TMEM87B: variants seen among roughly 807,000 people sequenced by gnomAD.
TMEM87B encodes the protein transmembrane protein 87B.
Under a neutral mutation model 80.3 loss-of-function variants are expected in TMEM87B, and 83 were observed. The observed-to-expected ratio is 1.03, with a 90% confidence interval of 0.87 to 1.24. TMEM87B has a LOEUF of 1.24. Among genes scored for constraint, TMEM87B ranks in the 50% most tolerant of loss-of-function variants. TMEM87B has a pLI of 0.00. For missense variants in TMEM87B, 625 were observed against 674.4 expected, an observed-to-expected ratio of 0.93 and a Z score of 0.81; for synonymous variants, 219 against 230.5, an observed-to-expected ratio of 0.95 and a Z score of 0.45.
intron 18 of TMEM87B, among the ~76,000 whole-genome samples, chr2:112,113,550 T>C (rs1235212695): frequency 5.9e-5 from 9 of 152,266 alleles, no homozygotes; most frequent in Admixed American, 5.9e-4. Flanking sequence ...ATCAGTCTGT[T>C]ATTTGACTGT....
intron 4 of TMEM87B, among the ~76,000 whole-genome samples, chr2:112,074,383 A>C (rs975926857): frequency 2.0e-5 from 3 of 152,228 alleles, no homozygotes; most frequent in African/African-American, 7.2e-5. Flanking sequence ...AATGTTGAAC[A>C]TAGGCCTCCA....
At chr2:112,097,699 C>T (rs1237594689) in intron 13 of TMEM87B, among the ~76,000 whole-genome samples, 11 of 112,614 alleles carry the variant, frequency 9.8e-5, no homozygotes, top group Admixed American at 7.8e-4. Flanking sequence ...GGCAACACAG[C>T]GAGACTCCAT....
At chr2:112,107,557 A>T (rs1490471350) in intron 16 of TMEM87B, among the ~76,000 whole-genome samples, 1 of 152,152 alleles carries the variant, frequency 6.6e-6, no homozygotes, top group Non-Finnish European at 1.5e-5. Flanking sequence ...ATAATATTTC[A>T]TACATCCAAC....
In TMEM87B at chr2:112,074,111, A is replaced by G. The variant is rs1161663674; in HGVS notation, c.451-801A>G. Among the ~76,000 whole-genome samples, 5 of 152,216 alleles carry G rather than the reference A, an allele frequency of 3.3e-5. No individual in the cohort carries two copies. In the East Asian group the frequency reaches 9.7e-4, roughly 29 times the overall value. On this transcript the variant is annotated intron_variant, in intron 4 of 18. Coordinates refer to ENST00000283206, the MANE Select transcript of TMEM87B (RefSeq NM_032824.3). Reference sequence around the variant, plus strand: ...TTGACATTGTGGGTTTGATCGTGTCATCATGTTGTTAGCTGGTTATTACGC... The same window carrying G: ...TTGACATTGTGGGTTTGATCGTGTCGTCATGTTGTTAGCTGGTTATTACGC...
At chr2:112,060,120 G>C in intron 2 of TMEM87B, 83 bp downstream of exon 2, 1 of 1,354,068 alleles carries the variant, frequency 7.4e-7, no homozygotes, top group Admixed American at 3.0e-5. Context: ...GGCCGAGGCA[G>C]GTGGATCACA....
At chr2:112,113,012 A>T in intron 18 of TMEM87B, 83 bp downstream of exon 18, 1 of 1,252,872 alleles carries the variant, frequency 8.0e-7, no homozygotes, top group Admixed American at 2.0e-5. Flanking sequence ...TCTGAAAGCT[A>T]CTTTTTAAGA....
intron 11 of TMEM87B, chr2:112,095,203 TTTTTTTTTTG>T (rs1679430401): frequency 1.3e-6 from 1 of 746,120 alleles, no homozygotes; most frequent in Non-Finnish European, 1.5e-6. Context: ...TTTTTTTTTT[TTTTTTTTTTG>T]CTGTTTTGCT....
chr2:112,075,208 T>TC (rs1678772104), intron 5 of TMEM87B, among the ~76,000 whole-genome samples: 1 of 152,202 alleles, frequency 6.6e-6, no homozygotes, highest in Non-Finnish European at 1.5e-5. Context: ...GATACCAGCC[T>TC]GGCCAACATG....
At chr2:112,058,900 G>A (rs770402493) in intron 1 of TMEM87B, among the ~76,000 whole-genome samples, 1 of 152,234 alleles carries the variant, frequency 6.6e-6, no homozygotes, top group South Asian at 2.1e-4. Flanking sequence ...AGGAGCCATG[G>A]CTTGGGTGAC....
At chr2:112,056,322 A>T (rs1354762438) in intron 1 of TMEM87B, among the ~76,000 whole-genome samples, 1 of 152,016 alleles carries the variant, frequency 6.6e-6, no homozygotes. Context: ...GAATTTCTCT[A>T]CAGTTCCTGT....
At chr2:112,077,154 T>C (rs1295410958) in intron 5 of TMEM87B, 38 bp from the exon 6 acceptor site, 4 of 1,198,828 alleles carry the variant, frequency 3.3e-6, no homozygotes, top group Non-Finnish European at 4.8e-6. Context: ...TAGCAATTTG[T>C]TAAAAATAAT....
chr2:112,089,784 C>T, intron 10 of TMEM87B, 66 bp downstream of exon 10: 1 of 1,442,520 alleles, frequency 6.9e-7, no homozygotes, highest in Non-Finnish European at 9.7e-7. Context: ...TACTTTGTAT[C>T]TCCTGAGATG....
rs781502851 is a variant in TMEM87B at position 112,098,716 on chromosome 2, T to C, written c.1376+18T>C. Reference sequence around the variant, plus strand: ...AATCAGAGGTACCTAACATAGGAAATTTCAAGTCGTCAAGGATTTGTTGAT... The same window carrying C: ...AATCAGAGGTACCTAACATAGGAAACTTCAAGTCGTCAAGGATTTGTTGAT... On this transcript the variant is annotated intron_variant, in intron 14 of 18. Coordinates refer to ENST00000283206, the MANE Select transcript of TMEM87B (RefSeq NM_032824.3). 45 of 1,609,120 alleles carry C rather than the reference T, an allele frequency of 2.8e-5. No individual in the cohort carries two copies. The highest frequency in any genetic ancestry group is 3.7e-5 in the Non-Finnish European group (44 of 1,175,720).
chr2:112,055,906 G>T, intron 1 of TMEM87B, 150 bp downstream of exon 1: 1 of 1,139,150 alleles, frequency 8.8e-7, no homozygotes, highest in Non-Finnish European at 1.2e-6. Context: ...GTCTGTTACA[G>T]CCGGGGAGCG....
intron 4 of TMEM87B, among the ~76,000 whole-genome samples, chr2:112,069,471 C>T (rs1678559902): frequency 6.6e-6 from 1 of 152,112 alleles, no homozygotes; most frequent in Non-Finnish European, 1.5e-5. Flanking sequence ...GCTTCCAGCT[C>T]CATCCATGTC....
At chr2:112,108,032 C>T (rs1655824656) in intron 17 of TMEM87B, among the ~76,000 whole-genome samples, 192 bp downstream of exon 17, 1 of 152,168 alleles carries the variant, frequency 6.6e-6, no homozygotes, top group Non-Finnish European at 1.5e-5. Context: ...TTTCACGATA[C>T]AGCAACCATT....
At chr2:112,106,235 C>A (rs899987603) in intron 16 of TMEM87B, among the ~76,000 whole-genome samples, 160 bp downstream of exon 16, 2 of 152,144 alleles carry the variant, frequency 1.3e-5, no homozygotes, top group African/African-American at 4.8e-5. Context: ...TGCCAAGTAG[C>A]AATCCTGGTT....
chr2:112,079,459 G>A (rs1055073141), intron 6 of TMEM87B, among the ~76,000 whole-genome samples: 2 of 152,064 alleles, frequency 1.3e-5, no homozygotes, highest in Non-Finnish European at 2.9e-5. Flanking sequence ...CTTTTTAAAG[G>A]CTGAATAGTA....
chr2:112,080,532 T>C (rs1678963682), intron 6 of TMEM87B, among the ~76,000 whole-genome samples: 1 of 152,246 alleles, frequency 6.6e-6, no homozygotes, highest in Admixed American at 6.5e-5. Flanking sequence ...GTGCTGGGAT[T>C]ACAGGGGTGA....
Sources: gnomAD v4.1 joint callset for allele counts (sites outside exome capture counted in the v4.1 genomes callset) on GRCh38, gnomAD v4.1.1 for gene constraint, MANE v1.5 for transcripts, NCBI Gene and HGNC (gene_info 2026-07-23, HGNC 2026-07-21) for gene names.